Variants in NBAS observed in about 807,000 individuals in gnomAD.
NBAS encodes the protein NBAS subunit of NRZ tethering complex.
A neutral mutation model predicts 302.5 loss-of-function variants in NBAS; 219 were observed. The observed-to-expected ratio is 0.72, with a 90% CI of 0.65 to 0.81. The LOEUF is 0.81. Among genes scored for constraint, NBAS ranks in the 30% least tolerant of loss-of-function variants. The probability of loss-of-function intolerance (pLI) is 0.00; values close to 1 mark genes in which losing one functional copy is unlikely to be tolerated. For synonymous variants in NBAS, 1,118 were observed against 1,021.6 expected, an observed-to-expected ratio of 1.09 and a Z score of -1.80; for missense variants, 2,932 against 2,841.6, an observed-to-expected ratio of 1.03 and a Z score of -0.72.
At position 15,473,412 on chromosome 2, in the gene NBAS, G is replaced by A. The variant is rs1680043488; in HGVS notation, c.1600-65C>T. ...GAATTATCCACAGGGTCCTGATGAT[G>A]ATACAATGAATGATGATAATCCCTT... On this transcript the variant is annotated intron_variant, in intron 15 of 51. Transcript: ENST00000281513. 4 of 1,583,002 alleles carry A rather than the reference G, an allele frequency of 2.5e-6. No homozygotes were observed. In the African/African-American group the frequency reaches 4.0e-5, roughly 16 times the overall value.
the NBAS span, among the ~76,000 whole-genome samples, chr2:15,131,595 A>T: frequency 6.6e-6 from 1 of 152,158 alleles, no homozygotes; most frequent in African/African-American, 2.4e-5. Context: ...TCATTTTTTT[A>T]AAATTTTATT....
At chr2:15,255,505 T>C (rs1210232709) in intron 44 of NBAS, among the ~76,000 whole-genome samples, 1 of 152,218 alleles carries the variant, frequency 6.6e-6, no homozygotes, top group East Asian at 1.9e-4. Flanking sequence ...TCTCCCACTC[T>C]GTAGGTTGTT....
the NBAS span, among the ~76,000 whole-genome samples, chr2:14,897,063 CTTT>C: frequency 7.3e-6 from 1 of 136,446 alleles, no homozygotes; most frequent in Non-Finnish European, 1.6e-5. Flanking sequence ...AGCCGTTCCT[CTTT>C]TTTTTTTTTT....
At chr2:15,302,301 A>T (rs910422619) in intron 40 of NBAS, among the ~76,000 whole-genome samples, 2 of 152,206 alleles carry the variant, frequency 1.3e-5, no homozygotes, top group Non-Finnish European at 2.9e-5. Context: ...AGTTGCCAAG[A>T]AGTCCCTGGA....
the NBAS span, among the ~76,000 whole-genome samples, chr2:14,971,816 G>A: frequency 6.6e-6 from 1 of 152,166 alleles, no homozygotes; most frequent in African/African-American, 2.4e-5. Context: ...CAGGTCAAGG[G>A]ATTTGTGTGT....
the NBAS span, among the ~76,000 whole-genome samples, chr2:15,158,775 C>T: frequency 6.6e-6 from 1 of 152,110 alleles, no homozygotes; most frequent in Non-Finnish European, 1.5e-5. Context: ...GGCCATGTGC[C>T]CTGCCACATG....
At chr2:15,356,264 G>A (rs1673613529) in intron 33 of NBAS, 39 bp downstream of exon 33, 1 of 1,494,096 alleles carries the variant, frequency 6.7e-7, no homozygotes, top group Admixed American at 1.7e-5. Flanking sequence ...ATCACATAAA[G>A]AGGACATAAG....
rs1197291033 is a variant in NBAS, at chr2:15,368,191, C to CTTTTT, written c.3704-1503_3704-1499dup. On this transcript the variant is annotated intron_variant, in intron 31 of 51. Coordinates refer to ENST00000281513, the MANE Select transcript of NBAS (RefSeq NM_015909.4). ...CAGTGTGTGTTTCCTAATGTTTTGACTTTTTTTTTTTTTTTTTTTTTTTTT... is the reference window on the plus strand; with the variant it reads ...CAGTGTGTGTTTCCTAATGTTTTGACTTTTTTTTTTTTTTTTTTTTTTTTTTTTTT... Among the ~76,000 whole-genome samples the CTTTTT allele has an allele frequency of 1.2e-4, 10 of 84,890 alleles. 1 individual carries two copies. Among genetic ancestry groups the CTTTTT allele is most frequent in the African/African-American group, 3.3e-4 (6 of 18,030 alleles). The allele number at this position is 84,890 out of a possible 152,430, so 55.7% of individuals were successfully genotyped here.
In NBAS at chr2:15,402,616, C is replaced by T. The variant is rs116346323; in HGVS notation, c.2938-315G>A. Among the ~76,000 whole-genome samples the T allele has an allele frequency of 6.7e-3, 1,017 of 152,252 alleles. 10 individuals carry two copies. Among genetic ancestry groups the T allele is most frequent in the African/African-American group, 0.022 (927 of 41,558 alleles). ...AATTAAAAAGGCAATTCATTAAGAA[C>T]ATTTCTAACCCTGAAGCCAAATTCT... On this transcript the variant is annotated intron_variant, in intron 25 of 51. Transcript: ENST00000281513.
chr2:14,860,713 A>T, the NBAS span, among the ~76,000 whole-genome samples: 24 of 152,154 alleles, frequency 1.6e-4, no homozygotes, highest in Non-Finnish European at 2.9e-5. Context: ...GGATGAAGGG[A>T]GGGTGATTAA....
chr2:14,951,691 C>T, the NBAS span, among the ~76,000 whole-genome samples: 2 of 152,200 alleles, frequency 1.3e-5, no homozygotes, highest in Non-Finnish European at 2.9e-5. Context: ...GTACTTTAGA[C>T]ACTATAGTTA....
intron 48 of NBAS, among the ~76,000 whole-genome samples, chr2:15,193,355 C>A (rs1168033260): frequency 2.0e-5 from 3 of 152,132 alleles, no homozygotes; most frequent in Non-Finnish European, 4.4e-5. Context: ...CTTAAGAATG[C>A]AATTTTAAAT....
the NBAS span, among the ~76,000 whole-genome samples, chr2:14,879,599 A>G: frequency 3.3e-5 from 5 of 152,206 alleles, no homozygotes; most frequent in Non-Finnish European, 1.5e-5. Context: ...ATTTATAGGG[A>G]AGACTTCATT....
intron 31 of NBAS, among the ~76,000 whole-genome samples, chr2:15,373,033 T>C (rs1188760847): frequency 6.6e-6 from 1 of 152,034 alleles, no homozygotes; most frequent in Non-Finnish European, 1.5e-5. Flanking sequence ...AGAGCAAAGG[T>C]TTCATAGTGC....
At chr2:14,838,324 T>C in the NBAS span, among the ~76,000 whole-genome samples, 3 of 152,000 alleles carry the variant, frequency 2.0e-5, no homozygotes, top group Admixed American at 2.0e-4. Context: ...CACTATGTGT[T>C]TCACTTGCTA....
At chr2:15,434,516 A>T (rs1470568502) in intron 21 of NBAS, among the ~76,000 whole-genome samples, 9 of 152,240 alleles carry the variant, frequency 5.9e-5, no homozygotes, top group African/African-American at 2.2e-4. Flanking sequence ...AATGACCCAC[A>T]TCAAAAAGTC....
At chr2:15,477,282 G>A (rs1572905739) in intron 13 of NBAS, among the ~76,000 whole-genome samples, 1 of 150,134 alleles carries the variant, frequency 6.7e-6, no homozygotes, top group African/African-American at 2.5e-5. Flanking sequence ...TTTTTTTTGA[G>A]ACGAACTCTC....
chr2:14,784,594 T>C, the NBAS span, among the ~76,000 whole-genome samples: 674 of 152,266 alleles, frequency 4.4e-3, 8 homozygotes, highest in African/African-American at 0.015. Flanking sequence ...CCATTGCTTG[T>C]TTTTTCTCAG....
intron 38 of NBAS, among the ~76,000 whole-genome samples, chr2:15,309,495 AAAGGTTAAG>A (rs1671183710): frequency 6.6e-6 from 1 of 152,192 alleles, no homozygotes; most frequent in South Asian, 2.1e-4. Flanking sequence ...GGGCAGCTGC[AAAGGTTAAG>A]TGCAAAGACA....
Sources: gnomAD v4.1 joint callset for allele counts (sites outside exome capture counted in the v4.1 genomes callset) on GRCh38, gnomAD v4.1.1 for gene constraint, MANE v1.5 for transcripts, NCBI Gene and HGNC (gene_info 2026-07-23, HGNC 2026-07-21) for gene names.